The following HFM1 variants were observed in gnomAD, a reference collection of about 807,000 sequenced individuals.
HFM1 encodes helicase for meiosis 1.
Under a neutral mutation model 192.1 loss-of-function variants are expected in HFM1, and 169 were observed. The observed-to-expected ratio is 0.88, with a 90% CI of 0.78 to 1.00. The LOEUF is 1.00. Ranked by LOEUF, HFM1 falls within the 50% of genes least tolerant of loss-of-function variation. The pLI is 0.00. For missense variants in HFM1, 1,661 were observed against 1,668.0 expected, an observed-to-expected ratio of 1.00 and a Z score of 0.07; for synonymous variants, 525 against 537.8, an observed-to-expected ratio of 0.98 and a Z score of 0.33.
chr1:91,279,615 C>A (rs1396750593), intron 30 of HFM1, among the ~76,000 whole-genome samples: 1 of 152,210 alleles, frequency 6.6e-6, no homozygotes, highest in East Asian at 1.9e-4. Context: ...CTACATCCAT[C>A]AAAACACATT....
At position 91,394,213 on chromosome 1, in the gene HFM1, G is replaced by A. The variant is rs1234775397; in HGVS notation, c.374C>T (p.Ser125Phe). 1 of 1,600,692 alleles carries A rather than the reference G, an allele frequency of 6.2e-7. No homozygotes were observed. The highest frequency in any genetic ancestry group is 8.6e-7 in the Non-Finnish European group (1 of 1,168,054). The change falls in exon 4 of 39, where the codon TCT (serine) becomes TTT (phenylalanine). Residue 125 changes from serine to phenylalanine, a missense_variant. By Grantham distance (155) the Ser-to-Phe change is radical. Transcript: ENST00000370425. ...GCCAATGTGATTTTTATATTTCTGAGAAGCATATGTCAGCTTGCCAGCAAT... is the reference window on the plus strand; with the variant it reads ...GCCAATGTGATTTTTATATTTCTGAAAAGCATATGTCAGCTTGCCAGCAAT... ...SHIAGKLTYASQKYKNHIGTE... is the reference protein window; with the variant it reads ...SHIAGKLTYAFQKYKNHIGTE...
chr1:91,362,871 G>A (rs553850829), intron 13 of HFM1, among the ~76,000 whole-genome samples: 49 of 151,988 alleles, frequency 3.2e-4, no homozygotes, highest in African/African-American at 1.1e-3. Context: ...GAAATAAGAC[G>A]ACACACCTAC....
intron 30 of HFM1, among the ~76,000 whole-genome samples, chr1:91,302,551 A>G (rs1397576738): frequency 6.6e-6 from 1 of 152,158 alleles, no homozygotes; most frequent in Non-Finnish European, 1.5e-5. Flanking sequence ...CAACAATGAT[A>G]GACTGGATTA....
At chr1:91,362,756 G>T (rs1243690979) in intron 13 of HFM1, among the ~76,000 whole-genome samples, 2 of 152,076 alleles carry the variant, frequency 1.3e-5, no homozygotes, top group Non-Finnish European at 2.9e-5. Flanking sequence ...AAAGCTGGAG[G>T]TATCATTCTA....
chr1:91,290,400 C>T (rs1284535287), intron 30 of HFM1, among the ~76,000 whole-genome samples: 1 of 152,088 alleles, frequency 6.6e-6, no homozygotes, highest in East Asian at 1.9e-4. Flanking sequence ...GGGTTGCAAT[C>T]CTAGTCTCTG....
Position 91,267,869 on chromosome 1 carries a change from A to T in HFM1, c.3773-14T>A. Reference sequence around the variant, plus strand: ...CATTCAAAACTTCTGAAAATAGAGAATTGCTTTTATCTGCATCTGTCAAAT... The same window carrying T: ...CATTCAAAACTTCTGAAAATAGAGATTTGCTTTTATCTGCATCTGTCAAAT... On this transcript the variant is annotated splice_polypyrimidine_tract_variant and intron_variant, in intron 34 of 38. Coordinates refer to ENST00000370425, the MANE Select transcript of HFM1 (RefSeq NM_001017975.6). The T allele has an allele frequency of 7.2e-7, 1 of 1,380,738 alleles. No individual in the cohort carries two copies. The highest frequency in any genetic ancestry group is 1.0e-6 in the Non-Finnish European group (1 of 987,190). 85.5% of individuals were successfully genotyped at this position (1,380,738 alleles called of 1,614,324 possible). A position where few individuals can be genotyped will look rare whatever the true frequency, so the allele number is the denominator to read the frequency against.
intron 4 of HFM1, among the ~76,000 whole-genome samples, chr1:91,390,612 A>G (rs972107570): frequency 7.4e-4 from 113 of 152,180 alleles, no homozygotes; most frequent in African/African-American, 2.4e-3. Context: ...CCTCAAAATA[A>G]TAAGAGCTAT....
intron 20 of HFM1, among the ~76,000 whole-genome samples, chr1:91,337,798 C>G (rs2101595486): frequency 6.6e-6 from 1 of 152,308 alleles, no homozygotes; most frequent in Non-Finnish European, 1.5e-5. Flanking sequence ...GAAGAGAACC[C>G]TCAACAGAAT....
chr1:91,277,713 T>TTA (rs57522686), intron 30 of HFM1, among the ~76,000 whole-genome samples: 1 of 48,406 alleles, frequency 2.1e-5, no homozygotes, highest in African/African-American at 1.1e-4. Context: ...TATATATACT[T>TTA]TATATAATAT....
At chr1:91,328,282 A>T in intron 20 of HFM1, 1 of 911,448 alleles carries the variant, frequency 1.1e-6, no homozygotes, top group Non-Finnish European at 1.6e-6. Context: ...TGAGGGGGGA[A>T]AGTGGGCTTA....
At chr1:91,395,383 T>C (rs1663534159) in intron 3 of HFM1, among the ~76,000 whole-genome samples, 1 of 152,210 alleles carries the variant, frequency 6.6e-6, no homozygotes, top group South Asian at 2.1e-4. Context: ...CACGTATGTA[T>C]GTGTATTATA....
chr1:91,379,690 T>C (rs1331996189), intron 8 of HFM1, among the ~76,000 whole-genome samples: 2 of 152,112 alleles, frequency 1.3e-5, no homozygotes, highest in African/African-American at 4.8e-5. Context: ...TGGAGAAAGG[T>C]AGGGCAGAAG....
chr1:91,381,224 C>G (rs551445398), intron 6 of HFM1, among the ~76,000 whole-genome samples: 1 of 152,034 alleles, frequency 6.6e-6, no homozygotes, highest in Non-Finnish European at 1.5e-5. Flanking sequence ...AAGGGTTATA[C>G]CTGAGTGCTA....
At chr1:91,402,725 T>C (rs1335892168) in intron 1 of HFM1, among the ~76,000 whole-genome samples, 1 of 152,136 alleles carries the variant, frequency 6.6e-6, no homozygotes, top group Non-Finnish European at 1.5e-5. Flanking sequence ...AGGAAAACTA[T>C]GTTCAAACAA....
Position 91,370,760 on chromosome 1 carries a change from G to T in HFM1, c.1685+4598C>A, listed in dbSNP as rs552462362. On this transcript the variant is annotated intron_variant, in intron 13 of 38. Coordinates refer to ENST00000370425, the MANE Select transcript of HFM1 (RefSeq NM_001017975.6). Reference sequence around the variant, plus strand: ...GGCCAGGGCAATCAGGCAGGAGAAAGAAATAAAGGGTATTCAATTAGGAAA... The same window carrying T: ...GGCCAGGGCAATCAGGCAGGAGAAATAAATAAAGGGTATTCAATTAGGAAA... 2.8e-4 allele frequency among the ~76,000 whole-genome samples: 43 copies of T among 152,210 alleles called. 1 individual carries two copies. Among genetic ancestry groups the T allele is most frequent in the African/African-American group, 1.0e-3 (42 of 41,534 alleles).
At chr1:91,380,830 C>T in intron 7 of HFM1, 82 bp downstream of exon 7, 1 of 728,802 alleles carries the variant, frequency 1.4e-6, no homozygotes, top group Admixed American at 2.3e-5. Flanking sequence ...ACATAAAGAT[C>T]TAGTAAATCC....
chr1:91,282,187 C>G (rs1240614692), intron 30 of HFM1, among the ~76,000 whole-genome samples: 1 of 152,136 alleles, frequency 6.6e-6, no homozygotes, highest in Non-Finnish European at 1.5e-5. Flanking sequence ...ATACTGGGTT[C>G]TTAAATTGCC....
intron 30 of HFM1, among the ~76,000 whole-genome samples, chr1:91,285,162 T>C (rs945173080): frequency 6.6e-6 from 1 of 152,212 alleles, no homozygotes; most frequent in African/African-American, 2.4e-5. Flanking sequence ...TGTGAGCCCA[T>C]CGAACCTCAT....
At chr1:91,318,423 A>C (rs1317952993) in intron 25 of HFM1, among the ~76,000 whole-genome samples, 1 of 152,256 alleles carries the variant, frequency 6.6e-6, no homozygotes, top group African/African-American at 2.4e-5. Context: ...CAAGGCTGTC[A>C]GTGATGAGAT....
Sources: allele counts gnomAD v4.1 joint callset (sites outside exome capture counted in the v4.1 genomes callset), GRCh38; gene constraint gnomAD v4.1.1; transcripts MANE v1.5; gene names NCBI Gene and HGNC (gene_info 2026-07-23, HGNC 2026-07-21).